Variants in DCC observed in about 807,000 individuals in gnomAD.
DCC encodes the protein netrin receptor DCC.
A neutral mutation model predicts 172.5 loss-of-function variants in DCC; 58 were observed. That is an observed-to-expected ratio of 0.34 (90% CI 0.27 to 0.42). The LOEUF is 0.42. Among genes scored for constraint, DCC ranks in the 10% least tolerant of loss-of-function variants. The pLI, the probability that DCC is intolerant of heterozygous loss-of-function variation, is 1.00. For missense variants in DCC, 1,740 were observed against 1,791.0 expected, an observed-to-expected ratio of 0.97 and a Z score of 0.51; for synonymous variants, 709 against 644.5, an observed-to-expected ratio of 1.10 and a Z score of -1.52.
intron 2 of DCC, among the ~76,000 whole-genome samples, chr18:52,870,869 G>T (rs1054483394): frequency 6.6e-5 from 10 of 152,224 alleles, no homozygotes; most frequent in Admixed American, 2.0e-4. Flanking sequence ...TGTCTCCCAT[G>T]TTGCATAGCC....
At chr18:52,902,819 C>A in intron 2 of DCC, among the ~76,000 whole-genome samples, 1 of 151,994 alleles carries the variant, frequency 6.6e-6, no homozygotes, top group South Asian at 2.1e-4. Context: ...GTAGAGTTTC[C>A]CATTTAGAGA....
At chr18:52,999,667 CG>C (rs1186261651) in intron 5 of DCC, among the ~76,000 whole-genome samples, 2 of 151,914 alleles carry the variant, frequency 1.3e-5, no homozygotes, top group African/African-American at 4.8e-5. Context: ...CTTTCAAAAC[CG>C]TAAGAGAAAT....
At chr18:52,644,682 G>C (rs1396857880) in intron 1 of DCC, among the ~76,000 whole-genome samples, 1 of 151,580 alleles carries the variant, frequency 6.6e-6, no homozygotes, top group East Asian at 1.9e-4. Context: ...TTGAGCCCAA[G>C]AGTTTGAGGC....
intron 15 of DCC, among the ~76,000 whole-genome samples, chr18:53,372,168 T>G (rs2058065618): frequency 6.6e-6 from 1 of 152,138 alleles, no homozygotes; most frequent in African/African-American, 2.4e-5. Flanking sequence ...TGTGTGTATG[T>G]TCATTGTTGT....
chr18:52,851,872 C>T (rs779303771), intron 2 of DCC, among the ~76,000 whole-genome samples: 2 of 152,080 alleles, frequency 1.3e-5, no homozygotes, highest in Non-Finnish European at 2.9e-5. Flanking sequence ...CAATTATGAT[C>T]TTACCAGTGG....
chr18:52,350,885 C>A (rs1026137672), intron 1 of DCC, among the ~76,000 whole-genome samples: 6 of 152,124 alleles, frequency 3.9e-5, no homozygotes, highest in African/African-American at 1.4e-4. Context: ...TCCAGACTTT[C>A]GTGACCCTTT....
intron 2 of DCC, among the ~76,000 whole-genome samples, chr18:52,843,395 A>T (rs1224443106): frequency 6.6e-6 from 1 of 152,182 alleles, no homozygotes; most frequent in Non-Finnish European, 1.5e-5. Flanking sequence ...GAACCTGGTG[A>T]AAGCTCAAGG....
intron 5 of DCC, among the ~76,000 whole-genome samples, chr18:52,953,523 A>G (rs1339231378): frequency 3.9e-5 from 6 of 152,302 alleles, no homozygotes; most frequent in South Asian, 2.1e-4. Flanking sequence ...GCCTGTCCCT[A>G]CCCACTGAGT....
chr18:52,662,222 A>G (rs2035372808), intron 1 of DCC, among the ~76,000 whole-genome samples: 2 of 152,168 alleles, frequency 1.3e-5, no homozygotes, highest in South Asian at 4.1e-4. Flanking sequence ...AAGTTACCGG[A>G]TAGATCCGAT....
intron 5 of DCC, among the ~76,000 whole-genome samples, chr18:53,058,796 A>C (rs1157590307): frequency 6.6e-6 from 1 of 152,206 alleles, no homozygotes; most frequent in Non-Finnish European, 1.5e-5. Flanking sequence ...AATACAGTGC[A>C]GAAGAAACCA....
At chr18:52,696,309 C>G (rs1318577027) in intron 1 of DCC, among the ~76,000 whole-genome samples, 3 of 152,154 alleles carry the variant, frequency 2.0e-5, no homozygotes, top group Non-Finnish European at 4.4e-5. Flanking sequence ...TATGAACTTT[C>G]CCTCTTCCTT....
intron 15 of DCC, among the ~76,000 whole-genome samples, chr18:53,364,202 A>T: frequency 6.6e-6 from 1 of 152,178 alleles, no homozygotes; most frequent in East Asian, 1.9e-4. Context: ...TCATTGACAC[A>T]TAATAGACTC....
chr18:53,383,834 C>T (rs1907945985), intron 15 of DCC, among the ~76,000 whole-genome samples: 1 of 151,968 alleles, frequency 6.6e-6, no homozygotes. Context: ...ATCTGGTTCT[C>T]AGGGACAGAG....
chr18:53,076,833 T>C (rs1473784290), intron 7 of DCC, among the ~76,000 whole-genome samples: 1 of 152,194 alleles, frequency 6.6e-6, no homozygotes, highest in East Asian at 1.9e-4. Flanking sequence ...CATGTGTCTC[T>C]GTTGCTAGGA....
At chr18:53,044,563 G>A (rs958868899) in intron 5 of DCC, among the ~76,000 whole-genome samples, 3 of 151,682 alleles carry the variant, frequency 2.0e-5, no homozygotes, top group Middle Eastern at 3.4e-3. Flanking sequence ...AATCAAATTA[G>A]CATTTACTCA....
chr18:53,309,620 T>A (rs1319729563), intron 13 of DCC, among the ~76,000 whole-genome samples: 1 of 152,186 alleles, frequency 6.6e-6, no homozygotes, highest in East Asian at 1.9e-4. Context: ...TTCATTCATC[T>A]AAAATATGTG....
intron 5 of DCC, among the ~76,000 whole-genome samples, chr18:53,006,974 C>T (rs546333571): frequency 4.5e-4 from 68 of 152,212 alleles, no homozygotes; most frequent in African/African-American, 1.6e-3. Flanking sequence ...ATGGTATATT[C>T]AACAGAAGCT....
chr18:53,399,475 G>T (rs983485525), intron 18 of DCC, among the ~76,000 whole-genome samples: 1 of 152,090 alleles, frequency 6.6e-6, no homozygotes, highest in South Asian at 2.1e-4. Context: ...GAAGAGGAGA[G>T]GATGGGATGC....
chr18:52,432,579 T>C (rs888312562), intron 1 of DCC, among the ~76,000 whole-genome samples: 1 of 152,178 alleles, frequency 6.6e-6, no homozygotes, highest in Non-Finnish European at 1.5e-5. Context: ...TCATCATTTA[T>C]GAGGTCTTAG....
Sources: gnomAD v4.1 joint callset for allele counts (sites outside exome capture counted in the v4.1 genomes callset) on GRCh38, gnomAD v4.1.1 for gene constraint, MANE v1.5 for transcripts, NCBI Gene and HGNC (gene_info 2026-07-23, HGNC 2026-07-21) for gene names.